Variants in NFYC observed in about 807,000 individuals in gnomAD.
NFYC encodes the protein CAAT box DNA-binding protein subunit C.
NFYC carries 25 observed loss-of-function variants against 53.1 expected under a neutral mutation model. The observed-to-expected ratio is 0.47, with a 90% CI of 0.34 to 0.66. The LOEUF is 0.66. Among genes scored for constraint, NFYC ranks in the 30% least tolerant of loss-of-function variants. NFYC has a pLI of 0.01. For missense variants in NFYC, 260 were observed against 422.7 expected (o/e 0.62, Z 3.38); for synonymous variants, 145 against 152.6 (o/e 0.95, Z 0.37).
chr1:40,725,027 T>G (rs72659571), intron 1 of NFYC, among the ~76,000 whole-genome samples: 2 of 152,328 alleles, frequency 1.3e-5, no homozygotes, highest in Non-Finnish European at 2.9e-5. Context: ...GCTATGTTAT[T>G]CATTCTTGTA....
intron 6 of NFYC, 41 bp from the exon 7 acceptor site, chr1:40,762,846 GA>G: frequency 6.6e-7 from 1 of 1,506,752 alleles, no homozygotes; most frequent in Non-Finnish European, 8.9e-7. Context: ...TGTGGGCTCT[GA>G]GCCTGAACTC....
chr1:40,718,895 CG>C (rs1449416845), intron 1 of NFYC, among the ~76,000 whole-genome samples: 1 of 152,048 alleles, frequency 6.6e-6, no homozygotes, highest in East Asian at 1.9e-4. Context: ...GTTTTTGAGA[CG>C]GAGTCTTGCT....
chr1:40,706,203 C>T (rs866012156), intron 1 of NFYC, among the ~76,000 whole-genome samples: 1 of 151,904 alleles, frequency 6.6e-6, no homozygotes, highest in Middle Eastern at 3.4e-3. Context: ...TCGGTGGGAC[C>T]CAAGTTTGAA....
Position 40,692,737 on chromosome 1 carries a change from G to A in NFYC, c.-9+870G>A, listed in dbSNP as rs117584835. Among the ~76,000 whole-genome samples, 58 of 152,322 alleles carry A rather than the reference G, an allele frequency of 3.8e-4. No individual in the cohort carries two copies. In the East Asian group the frequency reaches 8.3e-3, roughly 22 times the overall value. Reference sequence around the variant, plus strand: ...GATGTGAGGAGCAAGTAAACCGAGAGAGGAATGCTATTGAGAAGTGTGCTC... The same window carrying A: ...GATGTGAGGAGCAAGTAAACCGAGAAAGGAATGCTATTGAGAAGTGTGCTC... On this transcript the variant is annotated intron_variant, in intron 1 of 9. Coordinates refer to ENST00000447388, the MANE Select transcript of NFYC (RefSeq NM_014223.5).
At chr1:40,766,862 G>C in intron 8 of NFYC, 159 bp downstream of exon 8, 1 of 1,537,628 alleles carries the variant, frequency 6.5e-7, no homozygotes, top group Non-Finnish European at 8.8e-7. Flanking sequence ...AAGAGGCATG[G>C]GTGGTAATTG....
Position 40,763,066 on chromosome 1 carries a change from C to G in NFYC, c.720+20C>G. On this transcript the variant is annotated intron_variant, in intron 7 of 9. Coordinates refer to ENST00000447388, the MANE Select transcript of NFYC (RefSeq NM_014223.5). ...ATCCCGGTGAGTCCTGCCCTGAGGTCTGTCTTTACAACTTTATAGAAGGAA... is the reference window on the plus strand; with the variant it reads ...ATCCCGGTGAGTCCTGCCCTGAGGTGTGTCTTTACAACTTTATAGAAGGAA... 6.4e-7 allele frequency: 1 copy of G among 1,557,106 alleles called. No homozygotes were observed. The highest frequency in any genetic ancestry group is 8.7e-7 in the Non-Finnish European group (1 of 1,149,948).
intron 1 of NFYC, among the ~76,000 whole-genome samples, chr1:40,709,819 A>G (rs1394794036): frequency 2.6e-5 from 4 of 152,232 alleles, no homozygotes; most frequent in Non-Finnish European, 5.9e-5. Context: ...AAGATCAGGT[A>G]CATGGAGAAA....
chr1:40,767,226 G>A, intron 8 of NFYC: 1 of 485,866 alleles, frequency 2.1e-6, no homozygotes, highest in Non-Finnish European at 3.8e-6. Context: ...TGGGCTTGGG[G>A]GTGTTGAGGG....
chr1:40,726,233 C>T (rs1047128062), intron 1 of NFYC, among the ~76,000 whole-genome samples: 2 of 151,854 alleles, frequency 1.3e-5, no homozygotes, highest in Non-Finnish European at 2.9e-5. Context: ...TTCTGCTGCC[C>T]CAGCTTCCCA....
chr1:40,732,517 A>G (rs535255153), intron 1 of NFYC, among the ~76,000 whole-genome samples: 22 of 152,368 alleles, frequency 1.4e-4, no homozygotes, highest in Non-Finnish European at 2.2e-4. Context: ...TAAGAATGAT[A>G]AAGAGTAACT....
At chr1:40,736,890 G>A (rs1645055123) in intron 1 of NFYC, among the ~76,000 whole-genome samples, 1 of 150,756 alleles carries the variant, frequency 6.6e-6, no homozygotes, top group Non-Finnish European at 1.5e-5. Context: ...ACTTTGGGAG[G>A]ACGAGGCAGG....
intron 2 of NFYC, among the ~76,000 whole-genome samples, chr1:40,743,431 G>A (rs1645454104): frequency 6.6e-6 from 1 of 152,250 alleles, no homozygotes; most frequent in Admixed American, 6.5e-5. Flanking sequence ...TTGAAAATAG[G>A]AAAGAGAAAG....
chr1:40,725,700 A>G (rs1017980846), intron 1 of NFYC, among the ~76,000 whole-genome samples: 1 of 152,136 alleles, frequency 6.6e-6, no homozygotes, highest in Non-Finnish European at 1.5e-5. Context: ...ACATCTTACA[A>G]ACCTTAGCTC....
intron 5 of NFYC, among the ~76,000 whole-genome samples, chr1:40,755,195 A>G (rs1646144108): frequency 6.6e-6 from 1 of 152,224 alleles, no homozygotes; most frequent in South Asian, 2.1e-4. Flanking sequence ...CTGGTTGCAC[A>G]ACACTGTAGA....
intron 1 of NFYC, among the ~76,000 whole-genome samples, chr1:40,717,022 T>G (rs1352638717): frequency 6.6e-6 from 1 of 152,150 alleles, no homozygotes; most frequent in Non-Finnish European, 1.5e-5. Flanking sequence ...CTGGGTAGCT[T>G]TCTGGTTGTA....
chr1:40,757,076 T>C (rs1646266367), intron 5 of NFYC, among the ~76,000 whole-genome samples: 1 of 152,222 alleles, frequency 6.6e-6, no homozygotes, highest in African/African-American at 2.4e-5. Context: ...TCTTTTCCTC[T>C]TTTCTGGAAC....
chr1:40,692,124 G>T (rs1216391403), intron 1 of NFYC: 3 of 197,310 alleles, frequency 1.5e-5, no homozygotes, highest in Middle Eastern at 2.1e-3. Flanking sequence ...CGGCGGGGGG[G>T]CTCGCTCGTG....
At chr1:40,767,673 G>T (rs1196388051) in intron 8 of NFYC, among the ~76,000 whole-genome samples, 4 of 152,136 alleles carry the variant, frequency 2.6e-5, no homozygotes, top group Non-Finnish European at 5.9e-5. Context: ...AAGCTTCTTG[G>T]TTCCTCAGAA....
At chr1:40,708,218 G>A (rs183937720) in intron 1 of NFYC, among the ~76,000 whole-genome samples, 45 of 152,324 alleles carry the variant, frequency 3.0e-4, no homozygotes, top group Non-Finnish European at 5.4e-4. Context: ...GGAAGCTGCA[G>A]TGGGAAGATT....
Sources: allele counts gnomAD v4.1 joint callset (sites outside exome capture counted in the v4.1 genomes callset), GRCh38; gene constraint gnomAD v4.1.1; transcripts MANE v1.5; gene names NCBI Gene and HGNC (gene_info 2026-07-23, HGNC 2026-07-21).